KCNB2: variants seen among roughly 807,000 people sequenced by gnomAD.
KCNB2 encodes the protein potassium voltage-gated channel subfamily B member 2.
KCNB2 carries 15 observed loss-of-function variants against 61.5 expected under a neutral mutation model. The observed-to-expected ratio is 0.24, with a 90% CI of 0.16 to 0.38. The LOEUF is 0.38. Among genes scored for constraint, KCNB2 ranks in the 10% least tolerant of loss-of-function variants. KCNB2 has a pLI of 1.00. For synonymous variants in KCNB2, 457 were observed against 446.0 expected (o/e 1.02, Z -0.31); for missense variants, 828 against 1,125.2 (o/e 0.74, Z 3.78).
At chr8:72,769,503 G>T (rs931851326) in intron 2 of KCNB2, among the ~76,000 whole-genome samples, 15 of 152,180 alleles carry the variant, frequency 9.9e-5, no homozygotes, top group Admixed American at 2.0e-4. Flanking sequence ...GATTAATTCT[G>T]CCAGGGGTGC....
At chr8:72,911,151 T>G (rs896278464) in intron 2 of KCNB2, among the ~76,000 whole-genome samples, 2 of 152,336 alleles carry the variant, frequency 1.3e-5, no homozygotes, top group Middle Eastern at 3.4e-3. Flanking sequence ...TACAGCATTA[T>G]AAGGTCTCTA....
intron 2 of KCNB2, among the ~76,000 whole-genome samples, chr8:72,892,783 C>T (rs1408848529): frequency 6.6e-6 from 1 of 152,110 alleles, no homozygotes; most frequent in Non-Finnish European, 1.5e-5. Context: ...TCTATGAAAA[C>T]TGTTACCCAG....
chr8:72,552,898 CTTT>C (rs1163318252), intron 1 of KCNB2, among the ~76,000 whole-genome samples: 1 of 151,966 alleles, frequency 6.6e-6, no homozygotes, highest in African/African-American at 2.4e-5. Context: ...CTCCCCTCTT[CTTT>C]GTTTCTCTCC....
chr8:72,716,273 A>G (rs1585848760), intron 2 of KCNB2, among the ~76,000 whole-genome samples: 1 of 152,118 alleles, frequency 6.6e-6, no homozygotes, highest in South Asian at 2.1e-4. Context: ...AACTATTCCA[A>G]TCAATAGAAA....
At chr8:72,830,683 C>A (rs1486082508) in intron 2 of KCNB2, among the ~76,000 whole-genome samples, 1 of 152,210 alleles carries the variant, frequency 6.6e-6, no homozygotes, top group African/African-American at 2.4e-5. Flanking sequence ...ATGCTTCTGG[C>A]TCATCAGCAG....
chr8:72,600,007 A>G (rs1182156190), intron 2 of KCNB2, among the ~76,000 whole-genome samples: 1 of 152,250 alleles, frequency 6.6e-6, no homozygotes, highest in African/African-American at 2.4e-5. Flanking sequence ...ACTGTAAACT[A>G]GTTCAACCAT....
At chr8:72,735,381 CA>C (rs906722485) in intron 2 of KCNB2, among the ~76,000 whole-genome samples, 3 of 151,620 alleles carry the variant, frequency 2.0e-5, no homozygotes, top group African/African-American at 7.3e-5. Context: ...TGTATCTTAC[CA>C]AAAAAAATGG....
intron 2 of KCNB2, among the ~76,000 whole-genome samples, chr8:72,842,568 CTTTG>C (rs1809911382): frequency 6.6e-6 from 1 of 152,094 alleles, no homozygotes; most frequent in African/African-American, 2.4e-5. Context: ...TGGTCCTGGC[CTTTG>C]TTTGGTTGGT....
At chr8:72,675,773 C>T (rs965014747) in intron 2 of KCNB2, among the ~76,000 whole-genome samples, 2 of 152,022 alleles carry the variant, frequency 1.3e-5, no homozygotes, top group Non-Finnish European at 2.9e-5. Flanking sequence ...AGGCTGGTCT[C>T]GAGCTCCTGA....
chr8:72,783,387 G>C (rs989267015), intron 2 of KCNB2, among the ~76,000 whole-genome samples: 1 of 152,088 alleles, frequency 6.6e-6, no homozygotes, highest in African/African-American at 2.4e-5. Context: ...TTTTCATGCT[G>C]CTTCTCGCCT....
At chr8:72,577,316 T>TGA (rs1268148683) in intron 2 of KCNB2, among the ~76,000 whole-genome samples, 1 of 151,750 alleles carries the variant, frequency 6.6e-6, no homozygotes, top group African/African-American at 2.4e-5. Context: ...TGTGTGTGTG[T>TGA]GTGTGAGAAA....
In KCNB2 at chr8:72,883,012, C is replaced by T. The variant is rs762677434; in HGVS notation, c.580-52923C>T. On this transcript the variant is annotated intron_variant, in intron 2 of 2. Transcript: ENST00000523207. ...CACTTCCCCTCCATTCCCGGGGCTA[C>T]ACCTGCCCATGTCTGGATCCTGATT... Among the ~76,000 whole-genome samples, 252 of 152,252 alleles carry T rather than the reference C, an allele frequency of 1.7e-3. 5 individuals carry two copies. Among genetic ancestry groups the T allele is most frequent in the Non-Finnish European group, 6.5e-4 (44 of 68,018 alleles).
intron 2 of KCNB2, among the ~76,000 whole-genome samples, chr8:72,716,356 C>CA (rs1294379675): frequency 2.0e-5 from 3 of 151,714 alleles, no homozygotes; most frequent in Non-Finnish European, 2.9e-5. Flanking sequence ...AGAGACACGA[C>CA]AAAAAAAGAG....
intron 2 of KCNB2, among the ~76,000 whole-genome samples, chr8:72,889,699 A>G (rs1233878691): frequency 6.6e-6 from 1 of 152,112 alleles, no homozygotes; most frequent in Non-Finnish European, 1.5e-5. Context: ...GAAAAAAAGA[A>G]CACATGCACT....
chr8:72,731,253 A>G (rs1807733462), intron 2 of KCNB2, among the ~76,000 whole-genome samples: 1 of 152,202 alleles, frequency 6.6e-6, no homozygotes, highest in Non-Finnish European at 1.5e-5. Context: ...CACATGTTTC[A>G]CTTGCAAGAA....
At chr8:72,860,954 T>C (rs1805397586) in intron 2 of KCNB2, among the ~76,000 whole-genome samples, 1 of 152,212 alleles carries the variant, frequency 6.6e-6, no homozygotes, top group African/African-American at 2.4e-5. Context: ...TGTCATCTCT[T>C]TAATACCACT....
At chr8:72,709,481 T>A (rs1299717923) in intron 2 of KCNB2, among the ~76,000 whole-genome samples, 1 of 151,760 alleles carries the variant, frequency 6.6e-6, no homozygotes, top group Non-Finnish European at 1.5e-5. Context: ...CTGCTTGGCT[T>A]CTAGGGAGGC....
chr8:72,845,620 T>G (rs1809975765), intron 2 of KCNB2, among the ~76,000 whole-genome samples: 1 of 152,198 alleles, frequency 6.6e-6, no homozygotes, highest in Non-Finnish European at 1.5e-5. Context: ...CTGCCTTTCT[T>G]TCAGAGATGC....
chr8:72,701,154 G>A (rs745689864), intron 2 of KCNB2, among the ~76,000 whole-genome samples: 19 of 151,986 alleles, frequency 1.3e-4, no homozygotes, highest in East Asian at 1.9e-4. Flanking sequence ...GGCATCAGTC[G>A]TACCCAAGTC....
Sources: gnomAD v4.1 joint callset for allele counts (sites outside exome capture counted in the v4.1 genomes callset) on GRCh38, gnomAD v4.1.1 for gene constraint, MANE v1.5 for transcripts, NCBI Gene and HGNC (gene_info 2026-07-23, HGNC 2026-07-21) for gene names.